SH3TC1: variants seen among roughly 807,000 people sequenced by gnomAD.
SH3TC1 encodes SH3 domain and tetratricopeptide repeat-containing protein 1.
Under a neutral mutation model 117.3 loss-of-function variants are expected in SH3TC1, and 135 were observed. That is an observed-to-expected ratio of 1.15 (90% CI 1.00 to 1.33). The LOEUF (loss-of-function observed/expected upper bound fraction) is 1.33. Ranked by LOEUF, SH3TC1 falls within the 40% of genes most tolerant of loss-of-function variation. SH3TC1 has a pLI of 0.00. For missense variants in SH3TC1, 2,092 were observed against 1,794.3 expected, an observed-to-expected ratio of 1.17 and a Z score of -3.00; for synonymous variants, 898 against 816.9, an observed-to-expected ratio of 1.10 and a Z score of -1.69.
intron 1 of SH3TC1, among the ~76,000 whole-genome samples, chr4:8,184,599 G>A (rs1019686109): frequency 6.6e-6 from 1 of 152,028 alleles, no homozygotes; most frequent in African/African-American, 2.4e-5. Flanking sequence ...GGCTGGTCTC[G>A]AACCCCTGGG....
intron 1 of SH3TC1, among the ~76,000 whole-genome samples, chr4:8,182,734 C>G (rs898800795): frequency 1.3e-5 from 2 of 152,198 alleles, no homozygotes; most frequent in Admixed American, 1.3e-4. Flanking sequence ...TGCTGGTGAC[C>G]CTGGAGGACG....
At position 8,183,580 on chromosome 4, in the gene SH3TC1, A is replaced by G. The variant is rs1717142528; in HGVS notation, c.-57+1370A>G. 6.6e-6 allele frequency among the ~76,000 whole-genome samples: 1 copy of G among 152,200 alleles called. No homozygotes were observed. Among genetic ancestry groups the G allele is most frequent in the Non-Finnish European group, 1.5e-5 (1 of 68,032 alleles). ...AAGTTCATCAAACTTGTTCCACCCT[A>G]CAGGGACTTTTTGTTTGTTTTTCTT... On this transcript the variant is annotated intron_variant, in intron 1 of 16. Transcript: ENST00000508641. The surrounding 1 kb of genome is among the most constrained non-coding windows in gnomAD (Gnocchi z 5.4).
chr4:8,188,263 C>T (rs1477528942), intron 1 of SH3TC1, among the ~76,000 whole-genome samples: 1 of 152,194 alleles, frequency 6.6e-6, no homozygotes, highest in Non-Finnish European at 1.5e-5. Flanking sequence ...TGGCTGTCTC[C>T]ACCATGAGGC....
rs1302438534 is a variant in SH3TC1 at position 8,192,449 on chromosome 4, TTA to T, written c.-57+10241_-57+10242del. On this transcript the variant is annotated intron_variant, in intron 1 of 16. Transcript: ENST00000508641. The surrounding 1 kb of genome is among the most constrained non-coding windows in gnomAD (Gnocchi z 4.1). ...AATCTTCTTATCCAACCACTTGTCT[TTA>T]TTTTATTTTATTTTATTTTATTTTA... Among the ~76,000 whole-genome samples, 2 of 92,514 alleles carry T rather than the reference TTA, an allele frequency of 2.2e-5. No homozygotes were observed. The highest frequency in any genetic ancestry group is 5.0e-5 in the African/African-American group (1 of 19,866). 60.7% of individuals were successfully genotyped at this position (92,514 alleles called of 152,430 possible). A position where few individuals can be genotyped will look rare whatever the true frequency, so the allele number is the denominator to read the frequency against.
At chr4:8,219,251 C>A in intron 8 of SH3TC1, 84 bp from the exon 9 acceptor site, 1 of 1,361,256 alleles carries the variant, frequency 7.3e-7, no homozygotes, top group Non-Finnish European at 1.0e-6. Context: ...CCCCATGGTT[C>A]AGGGTGGCTG....
rs542327939 is a variant in SH3TC1, at chr4:8,190,879, C to T, written c.-57+8669C>T. Among the ~76,000 whole-genome samples the T allele has an allele frequency of 7.9e-5, 12 of 152,132 alleles. No individual in the cohort carries two copies. The highest frequency in any genetic ancestry group is 3.4e-3 in the Middle Eastern group (1 of 294). On this transcript the variant is annotated intron_variant, in intron 1 of 16. Transcript: ENST00000508641. The surrounding 1 kb of genome is among the most constrained non-coding windows in gnomAD (Gnocchi z 4.7). ...CTGGTCTTGAACTCCTGGACTCAAG[C>T]GATCCTCCTGCCTCGGCCTCCTAAA...
chr4:8,223,735 C>T (rs778104714), intron 10 of SH3TC1, among the ~76,000 whole-genome samples: 4 of 151,470 alleles, frequency 2.6e-5, no homozygotes, highest in Non-Finnish European at 5.9e-5. Flanking sequence ...CGGGTTCAAG[C>T]GATTCTCGTG....
Position 8,215,237 on chromosome 4 carries a change from A to G in SH3TC1, c.481+657A>G, listed in dbSNP as rs778932766. ...CGGGAAAGCTGTTATTTGAAAGCTG[A>G]CCCACGTGAGCTCTTCCTGGCACAT... On this transcript the variant is annotated intron_variant, in intron 5 of 17. Transcript: ENST00000245105. The G allele has an allele frequency of 1.5e-4, 69 of 456,104 alleles. 1 individual carries two copies. The East Asian group carries it at 4.1e-3, about 27-fold the overall frequency. The allele number at this position is 456,104 out of a possible 1,614,324, so 28.3% of individuals were successfully genotyped here.
In SH3TC1 at chr4:8,212,813, G is replaced by GGCCC; in HGVS notation, c.363_366dup (p.Val123ProfsTer16). On this transcript the variant is annotated frameshift_variant, in exon 4 of 18. Coordinates refer to ENST00000245105, the MANE Select transcript of SH3TC1 (RefSeq NM_018986.5). LOFTEE classifies it high-confidence loss of function. ...TGCTGGAGAATGATAGCCGGGAGAT[G>GGCCC]GCCCGCGTGCTTGGGGTGAGTAGCC... 6.3e-7 allele frequency: 1 copy of GGCCC among 1,590,670 alleles called. No homozygotes were observed. The highest frequency in any genetic ancestry group is 1.8e-4 in the Middle Eastern group (1 of 5,542).
At position 8,233,481 on chromosome 4, in the gene SH3TC1, C is replaced by T. The variant is rs139044334; in HGVS notation, c.3250C>T (p.Arg1084Trp). ...LQAGKIYYIL[R>W]QSELVDLYIQ... ...AGCAGGGAAGATCTATTACATCTTG[C>T]GGCAGAGCGAGCTGGTGGACCTCTA... is the stretch of plus-strand genomic sequence containing the variant. The change falls in exon 14 of 18, where the codon CGG (arginine) becomes TGG (tryptophan). Residue 1084 changes from arginine (R) to tryptophan (W), a missense_variant. By Grantham distance (101) the Arg-to-Trp change is moderately radical. Transcript: ENST00000245105. 9.4e-5 allele frequency: 152 copies of T among 1,612,706 alleles called. No individual in the cohort carries two copies. The highest frequency in any genetic ancestry group is 1.1e-4 in the Non-Finnish European group (133 of 1,179,476).
At position 8,240,810 on chromosome 4, in the gene SH3TC1, A is replaced by G. The variant is rs1277971884; in HGVS notation, c.3866A>G (p.Asn1289Ser). 6.2e-7 allele frequency: 1 copy of G among 1,614,136 alleles called. No homozygotes were observed. Among genetic ancestry groups the G allele is most frequent in the Admixed American group, 1.7e-5 (1 of 60,030 alleles). The change falls in exon 18 of 18, where the codon AAC becomes AGC. Residue 1289 changes from asparagine to serine, a missense_variant. Asn to Ser is a conservative substitution (Grantham distance 46). Transcript: ENST00000245105. ...ACGCGGCTGGCCACCATCTACCACA[A>G]CTTCCTCCTGGACCGTGAGAAGTCG... ...IYTRLATIYHNFLLDREKSLF... is the reference protein window; with the variant it reads ...IYTRLATIYHSFLLDREKSLF...
chr4:8,205,989 G>A lies in SH3TC1; in HGVS notation c.172+623G>A, dbSNP rs940200374. On this transcript the variant is annotated intron_variant, in intron 2 of 17. Transcript: ENST00000245105. The surrounding 1 kb of genome is among the most constrained non-coding windows in gnomAD (Gnocchi z 5.4). ...CGGTTGTGACCCGTCCCTGGGCCTC[G>A]TCCTCCCAGTGTCCAGCCTCAGCCC... 5.4e-6 allele frequency: 2 copies of A among 373,538 alleles called. No homozygotes were observed. Among genetic ancestry groups the A allele is most frequent in the Admixed American group, 8.2e-5 (2 of 24,298 alleles). 23.1% of individuals were successfully genotyped at this position (373,538 alleles called of 1,614,324 possible). A position where few individuals can be genotyped will look rare whatever the true frequency, so the allele number is the denominator to read the frequency against.
At chr4:8,222,004 T>A (rs894286641) in intron 9 of SH3TC1, among the ~76,000 whole-genome samples, 1 of 152,180 alleles carries the variant, frequency 6.6e-6, no homozygotes, top group African/African-American at 2.4e-5. Flanking sequence ...GGTAATTTAG[T>A]CCTATAAGCA....
At position 8,209,064 on chromosome 4, in the gene SH3TC1, A is replaced by G. The variant is rs369481586; in HGVS notation, c.173-684A>G. 1.9e-4 allele frequency among the ~76,000 whole-genome samples: 29 copies of G among 152,286 alleles called. No homozygotes were observed. Among genetic ancestry groups the G allele is most frequent in the African/African-American group, 6.7e-4 (28 of 41,566 alleles). On this transcript the variant is annotated intron_variant, in intron 2 of 17. Coordinates refer to ENST00000245105, the MANE Select transcript of SH3TC1 (RefSeq NM_018986.5). This position sits in a 1 kb window ranked among gnomAD's most constrained non-coding sequence, Gnocchi z 5.9. ...GTGACCCCCAGCAGGGAACCAAGCA[A>G]CCAGTAGGGGTCTATGTCCTGGCTC...
Position 8,227,459 on chromosome 4 carries a change from G to A in SH3TC1, c.1765G>A (p.Ala589Thr). 2 of 1,563,864 alleles carry A rather than the reference G, an allele frequency of 1.3e-6. No individual in the cohort carries two copies. The highest frequency in any genetic ancestry group is 1.2e-5 in the South Asian group (1 of 81,912). ...GGTGTACTTTGAGGAAGCGCTGGGG[G>A]CCCTGGAGGGCAGCTTCGGGGACCT... is the stretch of plus-strand genomic sequence containing the variant. ...ARVYFEEALG[A>T]LEGSFGDLFL... The change falls in exon 12 of 18, where the codon GCC becomes ACC. Residue 589 changes from alanine (A) to threonine (T), a missense_variant. Transcript: ENST00000245105.
intron 1 of SH3TC1, among the ~76,000 whole-genome samples, chr4:8,203,931 G>A (rs971038247): frequency 3.3e-5 from 5 of 152,162 alleles, no homozygotes; most frequent in African/African-American, 1.2e-4. Flanking sequence ...GGGAGATGGG[G>A]ATAAGGACAG....
rs902762162 is a variant in SH3TC1 at position 8,186,527 on chromosome 4, G to T, written c.-57+4317G>T. Among the ~76,000 whole-genome samples, 1 of 152,198 alleles carries T rather than the reference G, an allele frequency of 6.6e-6. No individual in the cohort carries two copies. ...TGGTTTACTGAATGTGACAGGTTACGCAGGTGTGAGATGGTCATCACGGGG... is the reference window on the plus strand; with the variant it reads ...TGGTTTACTGAATGTGACAGGTTACTCAGGTGTGAGATGGTCATCACGGGG... On this transcript the variant is annotated intron_variant, in intron 1 of 16. Transcript: ENST00000508641. This position sits in a 1 kb window ranked among gnomAD's most constrained non-coding sequence, Gnocchi z 5.2.
chr4:8,204,450 G>A (rs946069309), intron 1 of SH3TC1, among the ~76,000 whole-genome samples: 3 of 152,174 alleles, frequency 2.0e-5, no homozygotes, highest in African/African-American at 7.2e-5. Flanking sequence ...CGAGGCTCTG[G>A]ACTTGAAAAC....
rs777629373 is a variant in SH3TC1, at chr4:8,227,451, C to T, written c.1757C>T (p.Ala586Val). 66 of 1,562,338 alleles carry T rather than the reference C, an allele frequency of 4.2e-5. No homozygotes were observed. Among genetic ancestry groups the T allele is most frequent in the Middle Eastern group, 3.4e-4 (2 of 5,802 alleles). Residue 586 changes from alanine to valine, a missense_variant, in exon 12 of 18, where the codon GCG (alanine) becomes GTG (valine). Physicochemically the swap from Ala to Val is moderately conservative, Grantham distance 64 (BLOSUM62 0). Coordinates refer to ENST00000245105, the MANE Select transcript of SH3TC1 (RefSeq NM_018986.5). Reference sequence around the variant, plus strand: ...CAGGCCCGGGTGTACTTTGAGGAAGCGCTGGGGGCCCTGGAGGGCAGCTTC... The same window carrying T: ...CAGGCCCGGGTGTACTTTGAGGAAGTGCTGGGGGCCCTGGAGGGCAGCTTC... Reference protein sequence around the residue: ...LSQARVYFEEALGALEGSFGD... With the variant: ...LSQARVYFEEVLGALEGSFGD...
Sources: allele counts gnomAD v4.1 joint callset (sites outside exome capture counted in the v4.1 genomes callset), GRCh38; gene constraint gnomAD v4.1.1; non-coding constraint Gnocchi (gnomAD v3.1); transcripts MANE v1.5; gene names NCBI Gene and HGNC (gene_info 2026-07-23, HGNC 2026-07-21).